The following COG5 variants were observed in gnomAD, a reference collection of about 807,000 sequenced individuals.
COG5 encodes the protein conserved oligomeric Golgi complex subunit 5.
Under a neutral mutation model 110.4 loss-of-function variants are expected in COG5, and 86 were observed. That is an observed-to-expected ratio of 0.78 (90% CI 0.65 to 0.93). The LOEUF is 0.93. COG5 is among the 40% of genes least tolerant of loss of function. The pLI, the probability that COG5 is intolerant of heterozygous loss-of-function variation, is 0.00. For synonymous variants in COG5, 360 were observed against 334.6 expected (o/e 1.08, Z -0.83); for missense variants, 1,077 against 987.0 (o/e 1.09, Z -1.22).
At chr7:107,265,748 C>T (rs960265178) in intron 14 of COG5, among the ~76,000 whole-genome samples, 15 of 151,954 alleles carry the variant, frequency 9.9e-5, no homozygotes, top group South Asian at 2.1e-4. Context: ...ATCAAAGATC[C>T]TTCAGGCTAA....
chr7:107,208,438 C>A, intron 21 of COG5: 2 of 985,360 alleles, frequency 2.0e-6, no homozygotes, highest in Non-Finnish European at 2.4e-6. Flanking sequence ...CTTGTTAAGA[C>A]GACAAAAATG....
At chr7:107,455,737 CCAA>C (rs971812320) in intron 6 of COG5, among the ~76,000 whole-genome samples, 1 of 151,994 alleles carries the variant, frequency 6.6e-6, no homozygotes, top group Admixed American at 6.6e-5. Context: ...ATCTTTTCCT[CCAA>C]CAACAAAAAA....
chr7:107,299,826 CAT>C (rs71856513), intron 11 of COG5, among the ~76,000 whole-genome samples: 8,715 of 102,882 alleles, frequency 0.085, 488 homozygotes, highest in African/African-American at 0.17. Flanking sequence ...TCATAGTTGG[CAT>C]ATATATATAT....
chr7:107,443,350 C>T (rs1794832937), intron 6 of COG5, among the ~76,000 whole-genome samples: 1 of 152,004 alleles, frequency 6.6e-6, no homozygotes, highest in African/African-American at 2.4e-5. Context: ...TTGCCTAGGA[C>T]TGCATGGTTT....
At chr7:107,371,468 T>G (rs778831677) in intron 8 of COG5, among the ~76,000 whole-genome samples, 1 of 152,056 alleles carries the variant, frequency 6.6e-6, no homozygotes, top group African/African-American at 2.4e-5. Context: ...AAATTAAAAA[T>G]TAATAAATAG....
At chr7:107,416,185 A>C (rs1267734265) in intron 6 of COG5, among the ~76,000 whole-genome samples, 1 of 151,912 alleles carries the variant, frequency 6.6e-6, no homozygotes, top group African/African-American at 2.4e-5. Context: ...TGTGTATCAG[A>C]AGACATGTAC....
At chr7:107,432,621 G>A (rs1794100028) in intron 6 of COG5, among the ~76,000 whole-genome samples, 1 of 152,050 alleles carries the variant, frequency 6.6e-6, no homozygotes, top group Non-Finnish European at 1.5e-5. Context: ...TATAAGAAAA[G>A]CTGCCTCTAC....
chr7:107,515,021 C>T (rs1176179214), intron 6 of COG5, among the ~76,000 whole-genome samples: 1 of 152,146 alleles, frequency 6.6e-6, no homozygotes, highest in African/African-American at 2.4e-5. Flanking sequence ...GCATTTTACT[C>T]ACTCTGTAGG....
Position 107,517,921 on chromosome 7 carries a change from C to T in COG5, c.538+9316G>A, listed in dbSNP as rs183352550. ...CTATGTTGGTCAGGCTGGTCTCGAA[C>T]TCCTGACCTCGAGATCTGCCCGCCT... On this transcript the variant is annotated intron_variant, in intron 6 of 21. Transcript: ENST00000297135. Among the ~76,000 whole-genome samples the T allele has an allele frequency of 3.0e-3, 463 of 152,206 alleles. 5 individuals are homozygous for T. Among genetic ancestry groups the T allele is most frequent in the African/African-American group, 0.01 (434 of 41,532 alleles).
At chr7:107,392,876 A>G (rs1279016619) in intron 7 of COG5, among the ~76,000 whole-genome samples, 3 of 152,178 alleles carry the variant, frequency 2.0e-5, no homozygotes, top group Non-Finnish European at 4.4e-5. Context: ...TACACACGTT[A>G]GCTCAAACCT....
Position 107,283,674 on chromosome 7 carries a change from A to G in COG5, c.1372T>C (p.Ser458Pro). Reference protein sequence around the residue: ...QPYEAAYLSKSLSRLFDPINL... With the variant: ...QPYEAAYLSKPLSRLFDPINL... ...ATAGGATCGAAGAGTCGAGATAAGGATTTTGATAGATAAGCAGCCTCATAG... is the reference window on the plus strand; with the variant it reads ...ATAGGATCGAAGAGTCGAGATAAGGGTTTTGATAGATAAGCAGCCTCATAG... The change falls in exon 13 of 22, where the codon TCC becomes CCC. Residue 458 changes from serine (S) to proline (P), a missense_variant. Physicochemically the swap from Ser to Pro is moderately conservative, Grantham distance 74. Coordinates refer to ENST00000297135, the MANE Select transcript of COG5 (RefSeq NM_006348.5). 6.2e-7 allele frequency: 1 copy of G among 1,614,012 alleles called. No individual in the cohort carries two copies. Among genetic ancestry groups the G allele is most frequent in the Non-Finnish European group, 8.5e-7 (1 of 1,179,932 alleles).
chr7:107,211,474 C>T (rs1799172089), intron 19 of COG5, among the ~76,000 whole-genome samples: 3 of 152,188 alleles, frequency 2.0e-5, no homozygotes, highest in South Asian at 2.1e-4. Flanking sequence ...ATGAGTCTGA[C>T]ATCCACCGGA....
intron 14 of COG5, among the ~76,000 whole-genome samples, chr7:107,264,931 T>C (rs1803678837): frequency 6.6e-6 from 1 of 151,948 alleles, no homozygotes; most frequent in Non-Finnish European, 1.5e-5. Flanking sequence ...TATGCAGCAG[T>C]TTGCTTTCAC....
At chr7:107,509,057 G>A (rs1449940878) in intron 6 of COG5, among the ~76,000 whole-genome samples, 1 of 152,198 alleles carries the variant, frequency 6.6e-6, no homozygotes, top group African/African-American at 2.4e-5. Flanking sequence ...GAATGACTTT[G>A]ACGTGTTGAG....
chr7:107,449,453 T>A (rs866701363), intron 6 of COG5, among the ~76,000 whole-genome samples: 4 of 152,200 alleles, frequency 2.6e-5, no homozygotes, highest in Non-Finnish European at 4.4e-5. Context: ...GTTACAATTA[T>A]CCCCTTAAAT....
At chr7:107,237,686 GC>G (rs1171339559) in intron 17 of COG5, among the ~76,000 whole-genome samples, 5 of 152,214 alleles carry the variant, frequency 3.3e-5, no homozygotes, top group Non-Finnish European at 7.3e-5. Flanking sequence ...CTATGTTCCA[GC>G]AGGAAGGGAT....
chr7:107,430,305 T>G (rs1008910647), intron 6 of COG5, among the ~76,000 whole-genome samples: 4 of 152,228 alleles, frequency 2.6e-5, no homozygotes, highest in African/African-American at 7.2e-5. Flanking sequence ...CTTTTGCATG[T>G]AGACACTGGT....
intron 19 of COG5, among the ~76,000 whole-genome samples, chr7:107,229,468 C>T (rs1284481859): frequency 1.3e-5 from 2 of 152,086 alleles, no homozygotes; most frequent in African/African-American, 4.8e-5. Flanking sequence ...ATATCTTCTT[C>T]TGTTTGTGCT....
In COG5 at chr7:107,263,363, T is replaced by C. The variant is rs1045890569; in HGVS notation, c.1576-4980A>G. 5.9e-5 allele frequency among the ~76,000 whole-genome samples: 9 copies of C among 152,282 alleles called. No homozygotes were observed. The East Asian group carries it at 1.7e-3, about 29-fold the overall frequency. ...ATCTTATTTGAGATGAATAAAATTG[T>C]ACCAAGGTGCAAAAATACAGCTTTG... On this transcript the variant is annotated intron_variant, in intron 14 of 21. Coordinates refer to ENST00000297135, the MANE Select transcript of COG5 (RefSeq NM_006348.5).
Sources: gnomAD v4.1 joint callset for allele counts (sites outside exome capture counted in the v4.1 genomes callset) on GRCh38, gnomAD v4.1.1 for gene constraint, MANE v1.5 for transcripts, NCBI Gene and HGNC (gene_info 2026-07-23, HGNC 2026-07-21) for gene names.